The following LMNA variants were observed in gnomAD, a reference collection of about 807,000 sequenced individuals.
LMNA encodes lamin.
LMNA carries 20 observed loss-of-function variants against 70.4 expected under a neutral mutation model. That is an observed-to-expected ratio of 0.28 (90% CI 0.20 to 0.41). The LOEUF (loss-of-function observed/expected upper bound fraction) is 0.41. Ranked by LOEUF, LMNA falls within the 10% of genes least tolerant of loss-of-function variation. The pLI is 1.00. For missense variants in LMNA, 652 were observed against 917.2 expected, an observed-to-expected ratio of 0.71 and a Z score of 3.73; for synonymous variants, 339 against 372.8, an observed-to-expected ratio of 0.91 and a Z score of 1.04.
chr1:156,102,653 G>T (rs768324162), intron 3 of LMNA, among the ~76,000 whole-genome samples: 1 of 152,126 alleles, frequency 6.6e-6, no homozygotes, highest in Non-Finnish European at 1.5e-5. Context: ...GGCGCCTCTG[G>T]CCTCCTGCAG....
chr1:156,137,149 C>G lies in LMNA; in HGVS notation c.1525C>G (p.Pro509Ala), dbSNP rs762847359. 3.1e-6 allele frequency: 5 copies of G among 1,613,252 alleles called. No homozygotes were observed. The highest frequency in any genetic ancestry group is 2.7e-5 in the African/African-American group (2 of 75,018). The change falls in exon 9 of 12, where the codon CCT (proline) becomes GCT (alanine). Residue 509 changes from proline to alanine, a missense_variant. Coordinates refer to ENST00000368300, the MANE Select transcript of LMNA (RefSeq NM_170707.4). This position sits in a 1 kb window ranked among gnomAD's most constrained non-coding sequence, Gnocchi z 4.6. Reference sequence around the variant, plus strand: ...AGGAGCTGGGGCCACCCACAGCCCCCCTACCGACCTGGTGTGGAAGGCACA... The same window carrying G: ...AGGAGCTGGGGCCACCCACAGCCCCGCTACCGACCTGGTGTGGAAGGCACA... ...AAGAGATHSP[P>A]TDLVWKAQNT...
At chr1:156,125,043 CT>C (rs1650460123) in intron 1 of LMNA, among the ~76,000 whole-genome samples, 1 of 152,176 alleles carries the variant, frequency 6.6e-6, no homozygotes, top group Non-Finnish European at 1.5e-5. Context: ...CGTCTCCAGG[CT>C]TTAGTTTCCC....
In LMNA at chr1:156,138,795, G is replaced by C. The variant is rs567223326; in HGVS notation, c.1968+38G>C. ...TGCTTTGTCTCCAAATCCTGCAGGCGGGTCCCTGGTCATCGAGGGGTAGGA... is the reference window on the plus strand; with the variant it reads ...TGCTTTGTCTCCAAATCCTGCAGGCCGGTCCCTGGTCATCGAGGGGTAGGA... On this transcript the variant is annotated intron_variant, in intron 11 of 11. Coordinates refer to ENST00000368300, the MANE Select transcript of LMNA (RefSeq NM_170707.4). This position sits in a 1 kb window ranked among gnomAD's most constrained non-coding sequence, Gnocchi z 5.5. The C allele has an allele frequency of 3.1e-6, 5 of 1,612,658 alleles. No individual in the cohort carries two copies. The highest frequency in any genetic ancestry group is 4.2e-6 in the Non-Finnish European group (5 of 1,179,872).
chr1:156,101,473 T>C (rs1649135098), intron 3 of LMNA, among the ~76,000 whole-genome samples: 1 of 151,824 alleles, frequency 6.6e-6, no homozygotes, highest in Non-Finnish European at 1.5e-5. Context: ...GCCTGCTGGA[T>C]GACAAAGCAA....
chr1:156,092,137 C>A (rs1014507566), intron 3 of LMNA, among the ~76,000 whole-genome samples: 2 of 151,764 alleles, frequency 1.3e-5, no homozygotes, highest in African/African-American at 4.8e-5. Flanking sequence ...AGACTGGTCT[C>A]AAACTCCTGA....
At chr1:156,125,543 G>T (rs1323423630) in intron 1 of LMNA, among the ~76,000 whole-genome samples, 1 of 150,814 alleles carries the variant, frequency 6.6e-6, no homozygotes, top group African/African-American at 2.4e-5. Context: ...CCAAAAATTA[G>T]CTGGGTGTGG....
chr1:156,088,413 A>G (rs1236319445), intron 2 of LMNA, among the ~76,000 whole-genome samples: 1 of 152,174 alleles, frequency 6.6e-6, no homozygotes, highest in Admixed American at 6.5e-5. Flanking sequence ...AGGCCACACA[A>G]AAGAAATGTG....
At chr1:156,088,807 A>G (rs1648581743) in intron 2 of LMNA, among the ~76,000 whole-genome samples, 1 of 152,074 alleles carries the variant, frequency 6.6e-6, no homozygotes, top group Non-Finnish European at 1.5e-5. Flanking sequence ...GTGCCACCAC[A>G]ACTGGCTACT....
At position 156,103,611 on chromosome 1, in the gene LMNA, A is replaced by G. The variant is rs915246313; in HGVS notation, c.-206-11102A>G. Among the ~76,000 whole-genome samples the G allele has an allele frequency of 1.3e-5, 2 of 152,066 alleles. No individual in the cohort carries two copies. The highest frequency in any genetic ancestry group is 6.5e-5 in the Admixed American group (1 of 15,276). ...CTTGCAAGCCCTCATTCGGGCGGGG[A>G]GAAGGAAGGGGTCCTGGACTAGCTC... On this transcript the variant is annotated intron_variant, in intron 3 of 12. Transcript: ENST00000368301. The surrounding 1 kb of genome is among the most constrained non-coding windows in gnomAD (Gnocchi z 4.7).
rs747205385 is a variant in LMNA, at chr1:156,126,821, T to C, written c.357-3796T>C. On this transcript the variant is annotated intron_variant, in intron 1 of 11. Coordinates refer to ENST00000368300, the MANE Select transcript of LMNA (RefSeq NM_170707.4). ...CACTGGGATGCAGCCACTCCTGTGC[T>C]TGGGGAACCTGGAGGATGCAAGGGA... The C allele has an allele frequency of 3.7e-6, 6 of 1,611,384 alleles. No individual in the cohort carries two copies. The African/African-American group carries it at 4.0e-5, about 11-fold the overall frequency.
At chr1:156,099,543 A>C (rs1649063947) in intron 3 of LMNA, among the ~76,000 whole-genome samples, 1 of 152,156 alleles carries the variant, frequency 6.6e-6, no homozygotes, top group African/African-American at 2.4e-5. Context: ...TGAGCCCAGG[A>C]GTTTTAAGGC....
chr1:156,095,610 G>A (rs552865166), intron 3 of LMNA, among the ~76,000 whole-genome samples: 228 of 152,024 alleles, frequency 1.5e-3, no homozygotes, highest in Non-Finnish European at 3.1e-3. Flanking sequence ...ACCCGCCTCG[G>A]CCTCTCAAAG....
chr1:156,126,146 T>C, intron 1 of LMNA: 1 of 1,507,600 alleles, frequency 6.6e-7, no homozygotes, highest in South Asian at 1.2e-5. Context: ...AGACAGGAAA[T>C]GCCCAGGGGC....
chr1:156,118,660 T>C (rs756919581), intron 1 of LMNA, among the ~76,000 whole-genome samples: 4 of 152,106 alleles, frequency 2.6e-5, no homozygotes, highest in Non-Finnish European at 5.9e-5. Context: ...TCTGCTGTGC[T>C]CAGAGTGAGG....
intron 2 of LMNA, among the ~76,000 whole-genome samples, chr1:156,133,086 C>T (rs1358301848): frequency 2.0e-5 from 3 of 151,600 alleles, no homozygotes; most frequent in Admixed American, 6.6e-5. Flanking sequence ...GTGTTCTGCC[C>T]GCCTCAGCCT....
Position 156,137,433 on chromosome 1 carries a change from G to A in LMNA, c.1608+201G>A, listed in dbSNP as rs1407271128. On this transcript the variant is annotated intron_variant, in intron 9 of 11. Transcript: ENST00000368300. This position sits in a 1 kb window ranked among gnomAD's most constrained non-coding sequence, Gnocchi z 4.6. ...ACAAGGGGTGGAAGTTAGACAGTGA[G>A]GATTGTTAAAGGCAGAGCCATACTC... is the stretch of plus-strand genomic sequence containing the variant. 2.5e-6 allele frequency: 2 copies of A among 804,350 alleles called. No individual in the cohort carries two copies. Among genetic ancestry groups the A allele is most frequent in the South Asian group, 1.6e-5 (1 of 62,984 alleles). The allele number at this position is 804,350 out of a possible 1,614,324, so 49.8% of individuals were successfully genotyped here. A position where few individuals can be genotyped will look rare whatever the true frequency, so the allele number is the denominator to read the frequency against.
At position 156,130,730 on chromosome 1, in the gene LMNA, C is replaced by T. The variant is rs754097769; in HGVS notation, c.470C>T (p.Thr157Met). Residue 157 changes from threonine to methionine, a missense_variant, in exon 2 of 12, where the codon ACG becomes ATG. Coordinates refer to ENST00000368300, the MANE Select transcript of LMNA (RefSeq NM_170707.4). ...ALSTALSEKRTLEGELHDLRG... is the reference protein window; with the variant it reads ...ALSTALSEKRMLEGELHDLRG... ...AGCACTGCTCTCAGTGAGAAGCGCACGCTGGAGGGCGAGCTGCATGATCTG... is the reference window on the plus strand; with the variant it reads ...AGCACTGCTCTCAGTGAGAAGCGCATGCTGGAGGGCGAGCTGCATGATCTG... The T allele has an allele frequency of 5.0e-6, 8 of 1,607,794 alleles. No homozygotes were observed. Among genetic ancestry groups the T allele is most frequent in the African/African-American group, 1.3e-5 (1 of 74,890 alleles).
At position 156,114,837 on chromosome 1, in the gene LMNA, G is replaced by T; in HGVS notation, c.-82G>T. On this transcript the variant is annotated 5_prime_UTR_variant, in exon 1 of 12. Transcript: ENST00000368300. ...CAGCCGGCCGGCGCACTCCGACTCCGAGCAGTCTCTGTCCTTCGACCCGAG... is the reference window on the plus strand; with the variant it reads ...CAGCCGGCCGGCGCACTCCGACTCCTAGCAGTCTCTGTCCTTCGACCCGAG... The T allele has an allele frequency of 1.0e-6, 1 of 977,974 alleles. No individual in the cohort carries two copies. The highest frequency in any genetic ancestry group is 1.5e-6 in the Non-Finnish European group (1 of 682,356). The allele number at this position is 977,974 out of a possible 1,614,324, so 60.6% of individuals were successfully genotyped here.
At position 156,115,362 on chromosome 1, in the gene LMNA, G is replaced by C; in HGVS notation, c.356+88G>C. The C allele has an allele frequency of 8.4e-7, 1 of 1,188,042 alleles. No individual in the cohort carries two copies. Among genetic ancestry groups the C allele is most frequent in the South Asian group, 1.3e-5 (1 of 76,592 alleles). 73.6% of individuals were successfully genotyped at this position (1,188,042 alleles called of 1,614,324 possible). A position where few individuals can be genotyped will look rare whatever the true frequency, so the allele number is the denominator to read the frequency against. ...CTGGCCGGCCGCAGGAAGGGAGTGA[G>C]AGGGCCTGGAGGCCGATAACTTTGC... On this transcript the variant is annotated intron_variant, in intron 1 of 11. Transcript: ENST00000368300. This position sits in a 1 kb window ranked among gnomAD's most constrained non-coding sequence, Gnocchi z 5.8.
Sources: allele counts gnomAD v4.1 joint callset (sites outside exome capture counted in the v4.1 genomes callset), GRCh38; gene constraint gnomAD v4.1.1; non-coding constraint Gnocchi (gnomAD v3.1); transcripts MANE v1.5; gene names NCBI Gene and HGNC (gene_info 2026-07-23, HGNC 2026-07-21).